The following EHMT1 variants were observed in gnomAD, a reference collection of about 807,000 sequenced individuals.
The protein encoded by EHMT1 is histone-lysine N-methyltransferase EHMT1.
A neutral mutation model predicts 147.2 loss-of-function variants in EHMT1; 15 were observed. The observed-to-expected ratio is 0.10, with a 90% CI of 0.07 to 0.16. EHMT1 has a LOEUF of 0.16. Ranked by LOEUF, EHMT1 falls within the 10% of genes least tolerant of loss-of-function variation. EHMT1 has a pLI of 1.00. For synonymous variants in EHMT1, 795 were observed against 709.6 expected (o/e 1.12, Z -1.91); for missense variants, 1,587 against 1,772.4 (o/e 0.90, Z 1.88).
intron 3 of EHMT1, chr9:137,717,407 A>C (rs1945439532): frequency 7.8e-6 from 5 of 643,480 alleles, no homozygotes; most frequent in African/African-American, 1.8e-5. Context: ...GTTTGAGACC[A>C]GCCTGGGCAG....
chr9:137,775,325 CCT>C lies in EHMT1; in HGVS notation c.1791+74_1791+75del. On this transcript the variant is annotated intron_variant, in intron 11 of 26. Transcript: ENST00000460843. This position sits in a 1 kb window ranked among gnomAD's most constrained non-coding sequence, Gnocchi z 6.1. The stretch of plus-strand genomic sequence containing the variant: ...TCTGCTCACTGGTGCTGGTTCCTGT[CCT>C]GTGTCCACCTGCTGTCGGGTGGTCC... 1 of 1,573,876 alleles carries C rather than the reference CCT, an allele frequency of 6.4e-7. No homozygotes were observed. The highest frequency in any genetic ancestry group is 1.3e-5 in the African/African-American group (1 of 74,464).
intron 3 of EHMT1, among the ~76,000 whole-genome samples, chr9:137,722,186 T>C (rs1352261732): frequency 6.6e-6 from 1 of 152,190 alleles, no homozygotes; most frequent in Non-Finnish European, 1.5e-5. Flanking sequence ...ACTTCCAGGA[T>C]TTTATTCTCA....
At chr9:137,733,825 A>G (rs1478792575) in intron 4 of EHMT1, among the ~76,000 whole-genome samples, 3 of 152,230 alleles carry the variant, frequency 2.0e-5, no homozygotes, top group African/African-American at 7.2e-5. Context: ...GCAACTGTGT[A>G]TATGGGGTAA....
intron 3 of EHMT1, among the ~76,000 whole-genome samples, chr9:137,718,041 C>T (rs867807860): frequency 1.3e-5 from 2 of 149,636 alleles, no homozygotes; most frequent in African/African-American, 2.5e-5. Flanking sequence ...GATTTTCACA[C>T]GCAGGGTGCG....
chr9:137,650,729 T>C (rs1226424860), intron 1 of EHMT1: 1 of 135,100 alleles, frequency 7.4e-6, no homozygotes, highest in East Asian at 2.4e-4. Context: ...TGCAGTGGGG[T>C]GATCACAACT....
At chr9:137,745,575 C>A (rs1948473892) in intron 6 of EHMT1, 1 of 398,666 alleles carries the variant, frequency 2.5e-6, no homozygotes, top group African/African-American at 2.1e-5. Context: ...CCCAGCACAG[C>A]CCAGCCCTCC....
intron 4 of EHMT1, chr9:137,738,543 C>CGT (rs1479684167): frequency 6.6e-6 from 1 of 152,122 alleles, no homozygotes; most frequent in African/African-American, 2.4e-5. Flanking sequence ...CTGCTGGGCA[C>CGT]GTGCCCCAGC....
intron 1 of EHMT1, among the ~76,000 whole-genome samples, chr9:137,630,663 C>A (rs1245370732): frequency 6.6e-6 from 1 of 152,182 alleles, no homozygotes; most frequent in Non-Finnish European, 1.5e-5. Flanking sequence ...TGCCGTTGTA[C>A]TTCCTCTGTC....
rs567262494 is a variant in EHMT1 at position 137,780,235 on chromosome 9, G to C, written c.2275+518G>C. 5.8e-4 allele frequency among the ~76,000 whole-genome samples: 80 copies of C among 137,820 alleles called. 1 individual carries two copies. Among genetic ancestry groups the C allele is most frequent in the Admixed American group, 2.6e-3 (35 of 13,308 alleles). The allele number at this position is 137,820 out of a possible 152,430, so 90.4% of individuals were successfully genotyped here. A position where few individuals can be genotyped will look rare whatever the true frequency, so the allele number is the denominator to read the frequency against. Reference sequence around the variant, plus strand: ...GGTGATGACGCTGAGATGTGATGACGCTGGGATGTGTGGTGATGACGCTGG... The same window carrying C: ...GGTGATGACGCTGAGATGTGATGACCCTGGGATGTGTGGTGATGACGCTGG... On this transcript the variant is annotated intron_variant, in intron 14 of 26. Coordinates refer to ENST00000460843, the MANE Select transcript of EHMT1 (RefSeq NM_024757.5).
intron 1 of EHMT1, among the ~76,000 whole-genome samples, chr9:137,690,732 G>A (rs1942863725): frequency 6.6e-6 from 1 of 152,108 alleles, no homozygotes. Flanking sequence ...ACCACACCCA[G>A]CCCTCTCCTT....
At chr9:137,832,738 CT>C (rs1237923060) in intron 25 of EHMT1, 1 of 152,532 alleles carries the variant, frequency 6.6e-6, no homozygotes, top group East Asian at 1.9e-4. Context: ...CGGAGCAGCG[CT>C]GTGTGCTCTG....
At chr9:137,723,292 G>T (rs1168403212) in intron 3 of EHMT1, among the ~76,000 whole-genome samples, 13 of 114,786 alleles carry the variant, frequency 1.1e-4, no homozygotes, top group Non-Finnish European at 5.3e-5. Flanking sequence ...TGAGCCCGGG[G>T]TGTGTCTGTG....
chr9:137,814,306 G>A lies in EHMT1; in HGVS notation c.3181-125G>A, dbSNP rs75767128. 2.8e-3 allele frequency: 2,812 copies of A among 998,526 alleles called. 34 individuals are homozygous for A. The African/African-American group carries it at 0.031, about 11-fold the overall frequency. 61.9% of individuals were successfully genotyped at this position (998,526 alleles called of 1,614,324 possible). A position where few individuals can be genotyped will look rare whatever the true frequency, so the allele number is the denominator to read the frequency against. ...TCTCCCTAAGAGGCCACACACTCAC[G>A]TGGTGCCTTTGAGAAGCACTTACCA... On this transcript the variant is annotated intron_variant, in intron 21 of 26. Transcript: ENST00000460843.
chr9:137,752,488 C>A, intron 7 of EHMT1, 80 bp downstream of exon 7: 1 of 1,518,280 alleles, frequency 6.6e-7, no homozygotes, highest in South Asian at 1.2e-5. Flanking sequence ...GTTCTTTACC[C>A]AACAACCCTT....
Position 137,684,098 on chromosome 9 carries a change from C to T in EHMT1, c.22-26869C>T, listed in dbSNP as rs141482291. ...CACCCAGGCTGGAGTGCAGTGGTTG[C>T]AGTCACGGCTCACTGTAGCCTCGAC... On this transcript the variant is annotated intron_variant, in intron 1 of 26. Coordinates refer to ENST00000460843, the MANE Select transcript of EHMT1 (RefSeq NM_024757.5). Among the ~76,000 whole-genome samples, 826 of 151,992 alleles carry T rather than the reference C, an allele frequency of 5.4e-3. 11 individuals carry two copies. The highest frequency in any genetic ancestry group is 0.019 in the African/African-American group (782 of 41,458).
At chr9:137,710,727 T>C (rs1434179869) in intron 1 of EHMT1, among the ~76,000 whole-genome samples, 2 of 152,200 alleles carry the variant, frequency 1.3e-5, no homozygotes, top group Non-Finnish European at 2.9e-5. Context: ...GAATGCGTTC[T>C]TATTGTTAAG....
intron 1 of EHMT1, among the ~76,000 whole-genome samples, chr9:137,701,854 T>C (rs1943866273): frequency 6.6e-6 from 1 of 151,058 alleles, no homozygotes. Context: ...AGTGCAATGG[T>C]GCGATCTCAG....
At chr9:137,621,030 C>G (rs1011405775) in intron 1 of EHMT1, among the ~76,000 whole-genome samples, 1 of 152,124 alleles carries the variant, frequency 6.6e-6, no homozygotes, top group Admixed American at 6.5e-5. Context: ...CAGTGAGGCC[C>G]AAGATTGAAG....
intron 1 of EHMT1, among the ~76,000 whole-genome samples, chr9:137,652,338 C>T (rs926832704): frequency 1.1e-4 from 17 of 152,168 alleles, no homozygotes; most frequent in Non-Finnish European, 1.9e-4. Context: ...CCTTGGCCTC[C>T]CAAAGTGCTG....
Sources: allele counts gnomAD v4.1 joint callset (sites outside exome capture counted in the v4.1 genomes callset), GRCh38; gene constraint gnomAD v4.1.1; non-coding constraint Gnocchi (gnomAD v3.1); transcripts MANE v1.5; gene names NCBI Gene and HGNC (gene_info 2026-07-23, HGNC 2026-07-21).